The following PRKRA variants were observed in gnomAD, a reference collection of about 807,000 sequenced individuals.
PRKRA encodes the protein interferon-inducible double-stranded RNA-dependent protein kinase activator A.
PRKRA carries 22 observed loss-of-function variants against 32.4 expected under a neutral mutation model. The observed-to-expected ratio is 0.68, with a 90% CI of 0.49 to 0.97. The LOEUF (loss-of-function observed/expected upper bound fraction) is 0.97, where lower values mean the gene tolerates loss of function less well. PRKRA is among the 50% of genes least tolerant of loss of function. PRKRA has a pLI of 0.00. For missense variants in PRKRA, 319 were observed against 375.6 expected, an observed-to-expected ratio of 0.85 and a Z score of 1.25; for synonymous variants, 139 against 129.8, an observed-to-expected ratio of 1.07 and a Z score of -0.48.
At chr2:178,436,893 AT>A (rs1482954133) in intron 6 of PRKRA, among the ~76,000 whole-genome samples, 2 of 152,038 alleles carry the variant, frequency 1.3e-5, no homozygotes, top group African/African-American at 4.8e-5. Flanking sequence ...CCAACTGAGT[AT>A]TTTTTTCCTT....
intron 5 of PRKRA, among the ~76,000 whole-genome samples, chr2:178,441,915 C>T (rs1482727071): frequency 6.7e-6 from 1 of 148,538 alleles, no homozygotes; most frequent in Non-Finnish European, 1.5e-5. Flanking sequence ...GAGACGGACC[C>T]TCACTTTGTC....
rs1697514994 is a variant in PRKRA, at chr2:178,450,229, T to C, written c.235+13A>G. 2 of 781,850 alleles carry C rather than the reference T, an allele frequency of 2.6e-6. No individual in the cohort carries two copies. Among genetic ancestry groups the C allele is most frequent in the Non-Finnish European group, 3.7e-6 (2 of 543,714 alleles). The allele number at this position is 781,850 out of a possible 1,614,324, so 48.4% of individuals were successfully genotyped here. On this transcript the variant is annotated intron_variant, in intron 2 of 7. Coordinates refer to ENST00000325748, the MANE Select transcript of PRKRA (RefSeq NM_003690.5). ...AACCCACTCGGTCATCCAGGTTAAC[T>C]GTGTATACAGACCTGTGCAGGTTAT...
intron 6 of PRKRA, chr2:178,439,553 T>C (rs1433868284): frequency 6.6e-6 from 1 of 152,210 alleles, no homozygotes; most frequent in Non-Finnish European, 1.5e-5. Context: ...TTGCAGTTAG[T>C]AACCATTTTA....
At chr2:178,444,600 T>A (rs1697247654) in intron 3 of PRKRA, 100 bp from the exon 4 acceptor site, 1 of 719,774 alleles carries the variant, frequency 1.4e-6, no homozygotes, top group Non-Finnish European at 2.1e-6. Context: ...TCTTTGCTCT[T>A]GTCATTCCTT....
intron 4 of PRKRA, chr2:178,443,645 T>C (rs528706249): frequency 1.5e-4 from 55 of 378,788 alleles, no homozygotes; most frequent in African/African-American, 1.0e-3. Flanking sequence ...GTATCAGACA[T>C]CAACTAGAAA....
Position 178,447,540 on chromosome 2 carries a change from AG to A in PRKRA, c.281del (p.Ala94ValfsTer3). The A allele has an allele frequency of 1.2e-6, 2 of 1,614,172 alleles. No individual in the cohort carries two copies. Among genetic ancestry groups the A allele is most frequent in the Non-Finnish European group, 8.5e-7 (1 of 1,179,998 alleles). ...KKLAKHRAAE[A>X]AINILKANAS... ...CATTGGCTTTCAAAATGTTTATGGC[AG>A]CCTCTGCAGCTCTATGTTTCGCCAG... On this transcript the variant is annotated frameshift_variant, in exon 3 of 8. Transcript: ENST00000325748. LOFTEE classifies it high-confidence loss of function.
intron 1 of PRKRA, 62 bp from the exon 2 acceptor site, chr2:178,450,473 G>A (rs979648365): frequency 8.3e-6 from 11 of 1,318,786 alleles, no homozygotes; most frequent in Middle Eastern, 2.4e-4. Context: ...CAGAAGCGTA[G>A]AGGCCAGTTT....
chr2:178,442,379 A>G (rs765683611), intron 5 of PRKRA, among the ~76,000 whole-genome samples: 1 of 152,152 alleles, frequency 6.6e-6, no homozygotes, highest in Non-Finnish European at 1.5e-5. Context: ...CTCAATGTCT[A>G]TTTCCTGCTT....
intron 2 of PRKRA, among the ~76,000 whole-genome samples, chr2:178,448,942 C>A (rs1272785861): frequency 6.6e-6 from 1 of 152,184 alleles, no homozygotes; most frequent in Non-Finnish European, 1.5e-5. Context: ...CAGTTTGGGA[C>A]AATGAGAGGC....
At chr2:178,443,149 AAG>A (rs1697179887) in intron 5 of PRKRA, 116 bp downstream of exon 5, 1 of 760,042 alleles carries the variant, frequency 1.3e-6, no homozygotes, top group Admixed American at 2.0e-5. Flanking sequence ...GAGACAATAA[AAG>A]AGGAGTGTAT....
intron 3 of PRKRA, chr2:178,445,454 A>AT (rs1157478636): frequency 3.9e-5 from 6 of 153,928 alleles, no homozygotes; most frequent in Non-Finnish European, 8.8e-5. Context: ...TACCCAAATA[A>AT]TTGTGATGGA....
chr2:178,451,091 C>T lies in PRKRA; in HGVS notation c.-61G>A, dbSNP rs1297109553. 8 of 1,514,008 alleles carry T rather than the reference C, an allele frequency of 5.3e-6. No homozygotes were observed. In the African/African-American group the frequency reaches 5.7e-5, roughly 11 times the overall value. 93.8% of individuals were successfully genotyped at this position (1,514,008 alleles called of 1,614,324 possible). On this transcript the variant is annotated 5_prime_UTR_variant, in exon 1 of 8. Transcript: ENST00000325748. ...CGGTGCGGAGCGACGTGCTCGCTCC[C>T]CGGGTCGCTGGTCCCCGGGAGGAGC... is the stretch of plus-strand genomic sequence containing the variant.
intron 7 of PRKRA, chr2:178,434,115 CTT>C (rs764770659): frequency 6.3e-5 from 9 of 143,516 alleles, no homozygotes; most frequent in Non-Finnish European, 4.6e-5. Context: ...GCCACCTTTT[CTT>C]TTTTTTTTTT....
At chr2:178,432,551 A>T (rs185305697) in intron 7 of PRKRA, among the ~76,000 whole-genome samples, 2 of 152,302 alleles carry the variant, frequency 1.3e-5, no homozygotes, top group Admixed American at 6.5e-5. Context: ...TGATTCCTAC[A>T]CTTAAAAAAA....
At chr2:178,436,409 C>A (rs1356252114) in intron 6 of PRKRA, 90 bp from the exon 7 acceptor site, 9 of 1,066,288 alleles carry the variant, frequency 8.4e-6, no homozygotes, top group Non-Finnish European at 1.0e-5. Flanking sequence ...ATTAAGCACT[C>A]ACATTTAATA....
At chr2:178,443,701 T>G (rs1472182705) in intron 4 of PRKRA, 1 of 272,104 alleles carries the variant, frequency 3.7e-6, no homozygotes, top group East Asian at 8.9e-5. Flanking sequence ...GGAGACCATC[T>G]ACAGGTTTCA....
intron 5 of PRKRA, among the ~76,000 whole-genome samples, 183 bp from the exon 6 acceptor site, chr2:178,441,887 C>CTTTTT (rs541455452): frequency 2.3e-5 from 3 of 131,746 alleles, no homozygotes; most frequent in Non-Finnish European, 3.2e-5. Flanking sequence ...GCTATTAATT[C>CTTTTT]TTTTTTTTTT....
At chr2:178,444,001 T>C (rs867012366) in intron 4 of PRKRA, 7 of 185,160 alleles carry the variant, frequency 3.8e-5, no homozygotes, top group Non-Finnish European at 6.8e-5. Context: ...TGTGTGTGTA[T>C]AGATAAAATT....
At chr2:178,438,992 T>C (rs1575091348) in intron 6 of PRKRA, 1 of 152,206 alleles carries the variant, frequency 6.6e-6, no homozygotes, top group Admixed American at 6.5e-5. Context: ...CAAACGCTGG[T>C]AGGTTTTGAG....
Sources: allele counts gnomAD v4.1 joint callset (sites outside exome capture counted in the v4.1 genomes callset), GRCh38; gene constraint gnomAD v4.1.1; transcripts MANE v1.5; gene names NCBI Gene and HGNC (gene_info 2026-07-23, HGNC 2026-07-21).